The following C1orf21 variants were observed in gnomAD, a reference collection of about 807,000 sequenced individuals.
C1orf21 encodes chromosome 1 open reading frame 21, also known as uncharacterized protein C1orf21.
C1orf21 carries 3 observed loss-of-function variants against 18.7 expected under a neutral mutation model. The observed-to-expected ratio is 0.16, with a 90% CI of 0.07 to 0.42. The LOEUF is 0.42. Ranked by LOEUF, C1orf21 falls within the 10% of genes least tolerant of loss-of-function variation. C1orf21 has a pLI of 0.99. For missense variants in C1orf21, 104 were observed against 143.6 expected (o/e 0.72, Z 1.41); for synonymous variants, 41 against 46.4 (o/e 0.88, Z 0.47).
chr1:184,423,859 GTCCATCCATCCATCCATCCATCCA>G (rs3033528), intron 1 of C1orf21, among the ~76,000 whole-genome samples: 3 of 146,954 alleles, frequency 2.0e-5, no homozygotes, highest in Non-Finnish European at 4.5e-5. Context: ...TCCACCCATC[GTCCATCCATCCATCCATCCATCCA>G]TCCATCCATC....
intron 2 of C1orf21, among the ~76,000 whole-genome samples, chr1:184,504,346 C>T (rs961697460): frequency 2.0e-5 from 3 of 151,830 alleles, no homozygotes; most frequent in South Asian, 2.1e-4. Flanking sequence ...CGTTTTTCTG[C>T]GCCAGGACCC....
chr1:184,511,850 A>G (rs1658153829), intron 3 of C1orf21, among the ~76,000 whole-genome samples: 1 of 152,130 alleles, frequency 6.6e-6, no homozygotes, highest in Non-Finnish European at 1.5e-5. Flanking sequence ...CCCCTTATAA[A>G]ACCATCAGAT....
intron 1 of C1orf21, among the ~76,000 whole-genome samples, chr1:184,442,297 C>G (rs1656960017): frequency 6.6e-6 from 1 of 152,172 alleles, no homozygotes; most frequent in Non-Finnish European, 1.5e-5. Flanking sequence ...ACTTAAAGAT[C>G]AGGCAGACTT....
intron 2 of C1orf21, among the ~76,000 whole-genome samples, chr1:184,497,740 A>T (rs1342410233): frequency 6.6e-6 from 1 of 152,196 alleles, no homozygotes; most frequent in Non-Finnish European, 1.5e-5. Flanking sequence ...GCAGCCACTG[A>T]ATTCTTTCTA....
chr1:184,399,431 C>T (rs1002555837), intron 1 of C1orf21, among the ~76,000 whole-genome samples: 3 of 144,614 alleles, frequency 2.1e-5, no homozygotes, highest in Non-Finnish European at 4.5e-5. Flanking sequence ...GCTGTGATCT[C>T]GGCTCACTGC....
chr1:184,492,164 T>C (rs1213731575), intron 2 of C1orf21, among the ~76,000 whole-genome samples: 2 of 152,246 alleles, frequency 1.3e-5, no homozygotes, highest in Non-Finnish European at 2.9e-5. Context: ...CAAGTGGCTG[T>C]AAAGCCCAGT....
intron 1 of C1orf21, among the ~76,000 whole-genome samples, chr1:184,403,096 T>C (rs1336484242): frequency 6.6e-6 from 1 of 152,140 alleles, no homozygotes; most frequent in African/African-American, 2.4e-5. Flanking sequence ...ACCAGTTGGA[T>C]TGTGAAAAAG....
intron 1 of C1orf21, among the ~76,000 whole-genome samples, chr1:184,447,700 C>T (rs1211670375): frequency 6.6e-6 from 1 of 152,148 alleles, no homozygotes; most frequent in Non-Finnish European, 1.5e-5. Flanking sequence ...TTATTTGGTA[C>T]AATGTCTCAG....
At chr1:184,511,910 C>A (rs927154590) in intron 3 of C1orf21, among the ~76,000 whole-genome samples, 1 of 152,124 alleles carries the variant, frequency 6.6e-6, no homozygotes, top group Non-Finnish European at 1.5e-5. Context: ...GGAACTGCCC[C>A]CATGATCTAA....
At chr1:184,443,497 T>C (rs895907555) in intron 1 of C1orf21, among the ~76,000 whole-genome samples, 1 of 152,206 alleles carries the variant, frequency 6.6e-6, no homozygotes, top group African/African-American at 2.4e-5. Flanking sequence ...ATCAAGAACA[T>C]ATGCCCTGTT....
chr1:184,593,204 A>C (rs565990609), intron 4 of C1orf21, among the ~76,000 whole-genome samples: 1 of 152,252 alleles, frequency 6.6e-6, no homozygotes, highest in Non-Finnish European at 1.5e-5. Context: ...GAAGCAGCAC[A>C]CTTCACAGAC....
At position 184,625,784 on chromosome 1, in the gene C1orf21, GC is replaced by G. The variant is rs1659999036; in HGVS notation, c.*6232del. On this transcript the variant is annotated 3_prime_UTR_variant, in exon 6 of 6. Coordinates refer to ENST00000235307, the MANE Select transcript of C1orf21 (RefSeq NM_030806.4). Reference sequence around the variant, plus strand: ...AGGTCTGCTACTCGTCTTGCTTTGTGCCCCATCTGTGCCTGGATGCCCTACT... The same window carrying G: ...AGGTCTGCTACTCGTCTTGCTTTGTGCCCATCTGTGCCTGGATGCCCTACT... 6.6e-6 allele frequency: 1 copy of G among 152,424 alleles called. No individual in the cohort carries two copies. The highest frequency in any genetic ancestry group is 6.5e-5 in the Admixed American group (1 of 15,302). The allele number at this position is 152,424 out of a possible 1,614,324, so 9.4% of individuals were successfully genotyped here. A position where few individuals can be genotyped will look rare whatever the true frequency, so the allele number is the denominator to read the frequency against.
At chr1:184,579,492 TTC>T (rs546126541) in intron 3 of C1orf21, among the ~76,000 whole-genome samples, 1 of 109,338 alleles carries the variant, frequency 9.1e-6, no homozygotes. Context: ...CATCAAGATT[TTC>T]TTTTTTTTTT....
At chr1:184,604,323 A>C (rs1450357986) in intron 5 of C1orf21, among the ~76,000 whole-genome samples, 1 of 152,196 alleles carries the variant, frequency 6.6e-6, no homozygotes, top group Non-Finnish European at 1.5e-5. Context: ...ACGTGTGCAG[A>C]GAAAGTCATG....
intron 1 of C1orf21, among the ~76,000 whole-genome samples, chr1:184,412,933 A>G (rs1373835666): frequency 1.3e-5 from 2 of 152,236 alleles, no homozygotes; most frequent in Admixed American, 1.3e-4. Flanking sequence ...AGAGTTGACA[A>G]TTTATCTTTG....
At chr1:184,610,989 G>A (rs1415582594) in intron 5 of C1orf21, among the ~76,000 whole-genome samples, 12 of 152,078 alleles carry the variant, frequency 7.9e-5, no homozygotes, top group Admixed American at 5.2e-4. Flanking sequence ...CCCAATATCC[G>A]GGGATTGTTG....
At chr1:184,451,461 AATTTTT>A (rs1557975601) in intron 1 of C1orf21, among the ~76,000 whole-genome samples, 1 of 135,986 alleles carries the variant, frequency 7.4e-6, no homozygotes, top group Non-Finnish European at 1.5e-5. Flanking sequence ...TGGCTAATTT[AATTTTT>A]TTTTTTTTTT....
intron 3 of C1orf21, among the ~76,000 whole-genome samples, chr1:184,513,977 A>G (rs1298474393): frequency 6.6e-6 from 1 of 152,174 alleles, no homozygotes; most frequent in African/African-American, 2.4e-5. Context: ...TCCTTGCTTA[A>G]AGGAGAAGCC....
intron 3 of C1orf21, among the ~76,000 whole-genome samples, chr1:184,555,243 C>G (rs762644493): frequency 6.6e-6 from 1 of 152,168 alleles, no homozygotes; most frequent in Non-Finnish European, 1.5e-5. Flanking sequence ...CTGCGTGGAA[C>G]CAGACATCTC....
Sources: allele counts gnomAD v4.1 joint callset (sites outside exome capture counted in the v4.1 genomes callset), GRCh38; gene constraint gnomAD v4.1.1; transcripts MANE v1.5; gene names NCBI Gene and HGNC (gene_info 2026-07-23, HGNC 2026-07-21).